Variants in CNTNAP2 observed in about 807,000 individuals in gnomAD.
The protein encoded by CNTNAP2 is contactin-associated protein-like 2.
CNTNAP2 carries 98 observed loss-of-function variants against 155.2 expected under a neutral mutation model. That is an observed-to-expected ratio of 0.63 (90% CI 0.54 to 0.75). The LOEUF is 0.75. CNTNAP2 is among the 30% of genes least tolerant of loss of function. CNTNAP2 has a pLI of 0.00. For missense variants in CNTNAP2, 1,727 were observed against 1,688.1 expected (o/e 1.02, Z -0.40); for synonymous variants, 651 against 631.2 (o/e 1.03, Z -0.47).
intron 13 of CNTNAP2, among the ~76,000 whole-genome samples, chr7:147,652,997 A>T (rs1307861089): frequency 1.3e-5 from 2 of 152,212 alleles, no homozygotes; most frequent in Non-Finnish European, 2.9e-5. Context: ...TGGCCCTGAC[A>T]AGTATATTAA....
chr7:146,887,898 T>C (rs1421346555), intron 3 of CNTNAP2, among the ~76,000 whole-genome samples: 2 of 152,152 alleles, frequency 1.3e-5, no homozygotes, highest in Non-Finnish European at 1.5e-5. Context: ...AGTTCTTTTC[T>C]TATGTTAGGG....
chr7:146,139,902 TGTC>T (rs2116754827), intron 1 of CNTNAP2, among the ~76,000 whole-genome samples: 1 of 152,250 alleles, frequency 6.6e-6, no homozygotes, highest in South Asian at 2.1e-4. Flanking sequence ...ATTTAACAAA[TGTC>T]AGTCATCTTT....
chr7:147,163,039 A>G (rs1802058066), intron 8 of CNTNAP2, among the ~76,000 whole-genome samples: 2 of 152,130 alleles, frequency 1.3e-5, no homozygotes, highest in African/African-American at 4.8e-5. Flanking sequence ...CACAAGTGTG[A>G]GCCTCTGTCA....
At chr7:147,428,410 C>G (rs1797415369) in intron 10 of CNTNAP2, among the ~76,000 whole-genome samples, 1 of 152,084 alleles carries the variant, frequency 6.6e-6, no homozygotes, top group Non-Finnish European at 1.5e-5. Context: ...GGCCCTCTCT[C>G]ACACTTTTCT....
chr7:148,012,108 G>A (rs1802091556), intron 15 of CNTNAP2, among the ~76,000 whole-genome samples: 1 of 152,118 alleles, frequency 6.6e-6, no homozygotes, highest in Non-Finnish European at 1.5e-5. Context: ...GTTTAAGAGG[G>A]GATGTTGCTT....
At chr7:146,535,108 ATATATGATAT>A (rs1797829022) in intron 1 of CNTNAP2, among the ~76,000 whole-genome samples, 1 of 54 alleles carries the variant, frequency 0.019, no homozygotes, top group Non-Finnish European at 0.028. Context: ...TATATTATAT[ATATATGATAT>A]ATATCATATA....
At chr7:146,946,717 A>G (rs1797183604) in intron 3 of CNTNAP2, among the ~76,000 whole-genome samples, 1 of 150,960 alleles carries the variant, frequency 6.6e-6, no homozygotes. Flanking sequence ...CATTATTGCC[A>G]AGGAGAAGTA....
intron 8 of CNTNAP2, among the ~76,000 whole-genome samples, chr7:147,214,464 AAATTTAC>A (rs1803223844): frequency 1.3e-5 from 2 of 152,168 alleles, no homozygotes; most frequent in Non-Finnish European, 2.9e-5. Context: ...TATGATGATT[AAATTTAC>A]TTATGTATGT....
At chr7:146,264,973 C>T (rs888959749) in intron 1 of CNTNAP2, among the ~76,000 whole-genome samples, 1 of 152,152 alleles carries the variant, frequency 6.6e-6, no homozygotes, top group East Asian at 1.9e-4. Context: ...ATTATAGAGA[C>T]AAACAACAGA....
At chr7:148,348,302 G>A (rs949350460) in intron 21 of CNTNAP2, among the ~76,000 whole-genome samples, 4 of 152,120 alleles carry the variant, frequency 2.6e-5, no homozygotes, top group African/African-American at 9.7e-5. Flanking sequence ...TGTGTTGGAG[G>A]GGACCACATT....
At chr7:146,901,841 C>T (rs536648538) in intron 3 of CNTNAP2, among the ~76,000 whole-genome samples, 15 of 148,176 alleles carry the variant, frequency 1.0e-4, no homozygotes, top group Non-Finnish European at 2.2e-4. Context: ...CTCTTTGAGC[C>T]CTTTACAGTT....
chr7:146,955,565 A>G (rs1797416046), intron 3 of CNTNAP2, among the ~76,000 whole-genome samples: 2 of 152,000 alleles, frequency 1.3e-5, no homozygotes, highest in Admixed American at 1.3e-4. Flanking sequence ...GGTATCATTT[A>G]TTGTTTCAAA....
In CNTNAP2 at chr7:146,279,801, CATA is replaced by C. The variant is rs573227460; in HGVS notation, c.97+162834_97+162836del. Among the ~76,000 whole-genome samples the C allele has an allele frequency of 4.3e-3, 650 of 151,372 alleles. 5 individuals are homozygous for C. The highest frequency in any genetic ancestry group is 0.015 in the African/African-American group (622 of 41,318). Reference sequence around the variant, plus strand: ...TTGCAACCTTTTAAAAAATAATATGCATAATAATTTTTAAAACATGCTTAAGGA... The same window carrying C: ...TTGCAACCTTTTAAAAAATAATATGCATAATTTTTAAAACATGCTTAAGGA... On this transcript the variant is annotated intron_variant, in intron 1 of 23. Coordinates refer to ENST00000361727, the MANE Select transcript of CNTNAP2 (RefSeq NM_014141.6).
chr7:146,426,081 G>A (rs1796083028), intron 1 of CNTNAP2, among the ~76,000 whole-genome samples: 1 of 149,522 alleles, frequency 6.7e-6, no homozygotes, highest in African/African-American at 2.5e-5. Context: ...AGCTACGCGG[G>A]AGGCTGAGGA....
chr7:147,835,018 C>T (rs1798611871), intron 13 of CNTNAP2, among the ~76,000 whole-genome samples: 1 of 152,138 alleles, frequency 6.6e-6, no homozygotes, highest in South Asian at 2.1e-4. Flanking sequence ...GCTAAATAAA[C>T]TTCACCTGGG....
chr7:148,202,077 A>G (rs954319416), intron 18 of CNTNAP2, among the ~76,000 whole-genome samples: 61 of 152,118 alleles, frequency 4.0e-4, no homozygotes, highest in African/African-American at 1.4e-3. Flanking sequence ...GGGTGCTGAA[A>G]ATAGCATAGA....
intron 1 of CNTNAP2, among the ~76,000 whole-genome samples, chr7:146,435,266 C>T (rs963148848): frequency 1.1e-4 from 16 of 152,106 alleles, no homozygotes; most frequent in Admixed American, 3.3e-4. Context: ...AAACTTTGCA[C>T]CAATAATAAA....
At chr7:147,016,359 A>G (rs1475054295) in intron 3 of CNTNAP2, among the ~76,000 whole-genome samples, 1 of 152,096 alleles carries the variant, frequency 6.6e-6, no homozygotes, top group Non-Finnish European at 1.5e-5. Flanking sequence ...GCAAAGAATT[A>G]CATGGATTTA....
intron 3 of CNTNAP2, among the ~76,000 whole-genome samples, chr7:146,853,602 T>A (rs2129203588): frequency 6.6e-6 from 1 of 152,322 alleles, no homozygotes; most frequent in South Asian, 2.1e-4. Flanking sequence ...ACTTTTTGTG[T>A]CAATTACTGT....
Sources: gnomAD v4.1 joint callset for allele counts (sites outside exome capture counted in the v4.1 genomes callset) on GRCh38, gnomAD v4.1.1 for gene constraint, MANE v1.5 for transcripts, NCBI Gene and HGNC (gene_info 2026-07-23, HGNC 2026-07-21) for gene names.